CRB1: variants seen among roughly 807,000 people sequenced by gnomAD.
CRB1 encodes crumbs cell polarity complex component 1, also known as protein crumbs homolog 1.
A neutral mutation model predicts 120.0 loss-of-function variants in CRB1; 83 were observed. The ratio of observed to expected loss-of-function variants is 0.69; its 90% CI spans 0.58 to 0.83. The LOEUF (loss-of-function observed/expected upper bound fraction) is 0.83, where lower values mean the gene tolerates loss of function less well. Ranked by LOEUF, CRB1 falls within the 40% of genes least tolerant of loss-of-function variation. The probability of loss-of-function intolerance (pLI) is 0.00; values close to 1 mark genes in which losing one functional copy is unlikely to be tolerated. For missense variants in CRB1, 1,699 were observed against 1,687.6 expected, an observed-to-expected ratio of 1.01 and a Z score of -0.12; for synonymous variants, 625 against 612.5, an observed-to-expected ratio of 1.02 and a Z score of -0.30.
chr1:197,392,521 G>T (rs1662557589), intron 5 of CRB1, among the ~76,000 whole-genome samples: 1 of 151,970 alleles, frequency 6.6e-6, no homozygotes, highest in South Asian at 2.1e-4. Context: ...AAAGAAATAG[G>T]TTACACAGCA....
At chr1:197,384,840 G>A (rs1662133495) in intron 5 of CRB1, among the ~76,000 whole-genome samples, 1 of 152,104 alleles carries the variant, frequency 6.6e-6, no homozygotes, top group East Asian at 1.9e-4. Context: ...CAGTGCTTTA[G>A]AAAGATTTGT....
chr1:197,270,877 T>C (rs1654869385), intron 1 of CRB1, among the ~76,000 whole-genome samples: 1 of 152,180 alleles, frequency 6.6e-6, no homozygotes, highest in Admixed American at 6.6e-5. Context: ...GACTTTATTA[T>C]GTTCTGCTTG....
intron 5 of CRB1, among the ~76,000 whole-genome samples, chr1:197,410,572 T>A (rs1307272978): frequency 1.3e-5 from 2 of 152,220 alleles, no homozygotes; most frequent in African/African-American, 4.8e-5. Context: ...ATTTAATCCT[T>A]ATTAGTGGCC....
In CRB1 at chr1:197,421,090, GCC is replaced by G; in HGVS notation, c.1263_1264del (p.Cys421Ter). The G allele has an allele frequency of 6.2e-7, 1 of 1,614,220 alleles. No homozygotes were observed. Among genetic ancestry groups the G allele is most frequent in the Non-Finnish European group, 8.5e-7 (1 of 1,180,034 alleles). On this transcript the variant is annotated stop_gained and frameshift_variant, in exon 6 of 12. Transcript: ENST00000367400. LOFTEE classifies it high-confidence loss of function. ...GAGAACTTGCCTGGGAATTATACTT[GCC>G]ATTGCCCATTTGATAACCTTTCTAG... is the stretch of plus-strand genomic sequence containing the variant.
intron 5 of CRB1, among the ~76,000 whole-genome samples, chr1:197,404,483 T>G (rs986956860): frequency 1.1e-4 from 17 of 150,774 alleles, no homozygotes; most frequent in African/African-American, 4.2e-4. Context: ...GTGGAACTTG[T>G]CAGATGACGT....
the CRB1 span, among the ~76,000 whole-genome samples, chr1:197,211,160 T>TA: frequency 6.6e-6 from 1 of 152,218 alleles, no homozygotes; most frequent in African/African-American, 2.4e-5. Context: ...TGAAATATTT[T>TA]AGTGTTTATC....
rs1664678183 is a variant in CRB1 at position 197,427,897 on chromosome 1, A to T, written c.2572A>T (p.Asn858Tyr). ...FKGCIQDVRL[N>Y]NQNLEFFPNP... is the part of the protein sequence containing the mutation. ...AGGCTGTATCCAAGATGTAAGACTA[A>T]ACAACCAAAATCTGGAATTCTTTCC... Residue 858 changes from asparagine (N) to tyrosine (Y), a missense_variant, in exon 7 of 12, where the codon AAC becomes TAC. By Grantham distance (143) the Asn-to-Tyr change is moderately radical. Transcript: ENST00000367400. 1 of 1,613,934 alleles carries T rather than the reference A, an allele frequency of 6.2e-7. No homozygotes were observed. Among genetic ancestry groups the T allele is most frequent in the Admixed American group, 1.7e-5 (1 of 59,970 alleles).
At chr1:197,458,399 C>T (rs1558155688) in intron 11 of CRB1, among the ~76,000 whole-genome samples, 1 of 152,026 alleles carries the variant, frequency 6.6e-6, no homozygotes, top group Admixed American at 6.6e-5. Context: ...AGCCTTACAA[C>T]AAATTTTCTA....
intron 5 of CRB1, among the ~76,000 whole-genome samples, chr1:197,411,838 G>A (rs1389649512): frequency 6.6e-6 from 1 of 152,134 alleles, no homozygotes; most frequent in African/African-American, 2.4e-5. Context: ...CTTCTGTCAT[G>A]GGGGGCTGTT....
chr1:197,289,360 C>G (rs1252052464), intron 1 of CRB1, among the ~76,000 whole-genome samples: 1 of 151,696 alleles, frequency 6.6e-6, no homozygotes, highest in Non-Finnish European at 1.5e-5. Context: ...GCTCTCATTT[C>G]ACTCTAATTT....
chr1:197,410,917 T>C (rs1489793000), intron 5 of CRB1, among the ~76,000 whole-genome samples: 1 of 152,202 alleles, frequency 6.6e-6, no homozygotes, highest in East Asian at 1.9e-4. Context: ...TTGATGAGCA[T>C]CAACTGCTAG....
chr1:197,234,069 G>A, the CRB1 span, among the ~76,000 whole-genome samples: 1 of 152,192 alleles, frequency 6.6e-6, no homozygotes, highest in Admixed American at 6.5e-5. Context: ...ACCAGCACAA[G>A]GAGGTAGTGT....
intron 11 of CRB1, among the ~76,000 whole-genome samples, chr1:197,463,205 T>C (rs1004859664): frequency 2.0e-5 from 3 of 152,168 alleles, no homozygotes; most frequent in African/African-American, 7.2e-5. Flanking sequence ...TTCTTTGTTC[T>C]CCTGCTGAAT....
intron 5 of CRB1, among the ~76,000 whole-genome samples, chr1:197,369,515 T>G (rs1661257935): frequency 6.6e-6 from 1 of 152,036 alleles, no homozygotes; most frequent in African/African-American, 2.4e-5. Flanking sequence ...AGAGGTTTTA[T>G]TATACCTGCC....
At chr1:197,311,843 A>T (rs1657547902) in intron 1 of CRB1, among the ~76,000 whole-genome samples, 1 of 151,978 alleles carries the variant, frequency 6.6e-6, no homozygotes, top group African/African-American at 2.4e-5. Context: ...CCCAATTACC[A>T]GTGCTTATCT....
At chr1:197,366,664 G>A (rs924796288) in intron 5 of CRB1, among the ~76,000 whole-genome samples, 1 of 152,130 alleles carries the variant, frequency 6.6e-6, no homozygotes, top group African/African-American at 2.4e-5. Context: ...AATGAAAACA[G>A]GAACTCAAGG....
intron 1 of CRB1, among the ~76,000 whole-genome samples, chr1:197,309,041 GTATA>G (rs893707703): frequency 2.1e-4 from 32 of 150,994 alleles, no homozygotes; most frequent in African/African-American, 7.5e-4. Flanking sequence ...ACGTGTATAT[GTATA>G]TATTTATGTT....
At position 197,272,637 on chromosome 1, in the gene CRB1, G is replaced by A. The variant is rs542648673; in HGVS notation, c.70+4155G>A. On this transcript the variant is annotated intron_variant, in intron 1 of 11. Transcript: ENST00000367400. ...ATCAAGTCACAAAAGCACATGGAGG[G>A]AGCTTAAATAAATATTGCTGTGTGA... Among the ~76,000 whole-genome samples the A allele has an allele frequency of 4.9e-4, 75 of 151,906 alleles. No homozygotes were observed. The South Asian group carries it at 0.013, about 26-fold the overall frequency.
At chr1:197,233,423 C>T in the CRB1 span, among the ~76,000 whole-genome samples, 2 of 152,300 alleles carry the variant, frequency 1.3e-5, no homozygotes, top group South Asian at 4.1e-4. Flanking sequence ...GCACTAACCA[C>T]AGTTCTCTAC....
Sources: allele counts gnomAD v4.1 joint callset (sites outside exome capture counted in the v4.1 genomes callset), GRCh38; gene constraint gnomAD v4.1.1; transcripts MANE v1.5; gene names NCBI Gene and HGNC (gene_info 2026-07-23, HGNC 2026-07-21).